Variants in GGT1 observed in about 807,000 individuals in gnomAD.
GGT1 encodes glutathione hydrolase 1 proenzyme.
GGT1 carries 21 observed loss-of-function variants against 56.0 expected under a neutral mutation model. The observed-to-expected ratio is 0.38, with a 90% CI of 0.27 to 0.54. The LOEUF (loss-of-function observed/expected upper bound fraction) is 0.54, where lower values mean the gene tolerates loss of function less well. GGT1 is among the 20% of genes least tolerant of loss of function. The probability of loss-of-function intolerance (pLI) is 0.82; values close to 1 mark genes in which losing one functional copy is unlikely to be tolerated. For missense variants in GGT1, 466 were observed against 787.0 expected (o/e 0.59, Z 4.88); for synonymous variants, 238 against 342.6 (o/e 0.69, Z 3.37).
upstream of GGT1, among the ~76,000 whole-genome samples, chr22:24,602,598 G>A (rs2330802): frequency 6.6e-6 from 1 of 152,182 alleles, no homozygotes; most frequent in Non-Finnish European, 1.5e-5. Flanking sequence ...CCCTGCTTCC[G>A]TTGCCTGGGG....
chr22:24,627,438 C>T lies in GGT1; in HGVS notation c.1027C>T (p.Arg343Cys), dbSNP rs373743269. Residue 343 changes from arginine (R) to cysteine (C), a missense_variant, in exon 12 of 16, where the codon CGC becomes TGC. By Grantham distance (180) the Arg-to-Cys change is radical. This residue lies in a region of GGT1 where 456 missense variants were observed against 716.7 expected (regional missense o/e 0.64). Coordinates refer to ENST00000400382, the MANE Select transcript of GGT1 (RefSeq NM_001288833.2). ...AGCTCTGGGGTCTCGGCAGGTGGTC[C>T]GCAACATGACCTCCGAGTTCTTCGC... ...PKFVDVTEVVRNMTSEFFAAQ... is the reference protein window; with the variant it reads ...PKFVDVTEVVCNMTSEFFAAQ... 73 of 1,425,958 alleles carry T rather than the reference C, an allele frequency of 5.1e-5. 1 individual carries two copies. Among genetic ancestry groups the T allele is most frequent in the Admixed American group, 1.3e-4 (7 of 54,434 alleles). The allele number at this position is 1,425,958 out of a possible 1,614,324, so 88.3% of individuals were successfully genotyped here. A position where few individuals can be genotyped will look rare whatever the true frequency, so the allele number is the denominator to read the frequency against.
At chr22:24,586,329 G>A in the GGT1 span, 166 of 1,613,858 alleles carry the variant, frequency 1.0e-4, no homozygotes, top group Non-Finnish European at 1.4e-4. Flanking sequence ...GTGATGTGTT[G>A]CACGTCCTGT....
intron 10 of GGT1, 96 bp downstream of exon 10, chr22:24,623,352 C>A: frequency 7.5e-6 from 10 of 1,331,594 alleles, no homozygotes; most frequent in Non-Finnish European, 1.0e-5. Context: ...GCCCCCCATG[C>A]CACGTCTTTC....
At chr22:24,586,521 G>A in the GGT1 span, 9 of 1,141,226 alleles carry the variant, frequency 7.9e-6, no homozygotes, top group Non-Finnish European at 1.1e-5. Flanking sequence ...GGCAAAGCCA[G>A]ATTCAAACTG....
At chr22:24,618,685 C>A (rs914863653) in intron 7 of GGT1, among the ~76,000 whole-genome samples, 7 of 152,166 alleles carry the variant, frequency 4.6e-5, no homozygotes, top group African/African-American at 1.7e-4. Flanking sequence ...TCAGACCTTC[C>A]GGGATGTATG....
chr22:24,590,096 G>T, upstream of GGT1: 2 of 940,626 alleles, frequency 2.1e-6, no homozygotes. Context: ...AGGCGGCCAT[G>T]GGCCAACAGT....
At chr22:24,588,475 TCCTACCCCCCAA>T in the GGT1 span, 1 of 771,722 alleles carries the variant, frequency 1.3e-6, no homozygotes, top group East Asian at 2.7e-5. Context: ...GGCCTCCCCC[TCCTACCCCCCAA>T]CCCGGCTGTG....
In GGT1 at chr22:24,610,389, C is replaced by T. The variant is rs2298391; in HGVS notation, c.-150C>T. 0.014 allele frequency: 2,790 copies of T among 192,654 alleles called. 23 individuals are homozygous for T. The highest frequency in any genetic ancestry group is 0.044 in the South Asian group (519 of 11,758). 11.9% of individuals were successfully genotyped at this position (192,654 alleles called of 1,614,324 possible). On this transcript the variant is annotated 5_prime_UTR_variant, in exon 4 of 16. Transcript: ENST00000400382. ...GAGAAGGCTGCCTGATCAGAGAGTC[C>T]CTGAAGAAGATTCTGTGGCTACAGG...
At chr22:24,608,520 G>A (rs530359359) in intron 2 of GGT1, among the ~76,000 whole-genome samples, 13 of 152,376 alleles carry the variant, frequency 8.5e-5, no homozygotes, top group African/African-American at 3.1e-4. Context: ...GCCCTCCAGG[G>A]CACTCAGCAT....
At position 24,620,683 on chromosome 22, in the gene GGT1, G is replaced by A; in HGVS notation, c.575+163G>A. On this transcript the variant is annotated intron_variant, in intron 8 of 15. Transcript: ENST00000400382. The surrounding 1 kb of genome is among the most constrained non-coding windows in gnomAD (Gnocchi z 5.6). ...CCCACCACGTGTGGGGACACATTCT[G>A]AGCGTGGGGTCCCAGTGGCCACTGT... 1 of 1,459,260 alleles carries A rather than the reference G, an allele frequency of 6.9e-7. No homozygotes were observed. Among genetic ancestry groups the A allele is most frequent in the Non-Finnish European group, 9.1e-7 (1 of 1,103,928 alleles). The allele number at this position is 1,459,260 out of a possible 1,614,324, so 90.4% of individuals were successfully genotyped here. A position where few individuals can be genotyped will look rare whatever the true frequency, so the allele number is the denominator to read the frequency against.
chr22:24,628,233 G>A lies in GGT1; in HGVS notation c.1449+40G>A, dbSNP rs2047913900. 6.2e-7 allele frequency: 1 copy of A among 1,611,854 alleles called. No homozygotes were observed. The stretch of plus-strand genomic sequence containing the variant: ...TTTTCTCCCTGGCCGTGCCCACCCT[G>A]CACAGCCCCCAAGCCATGCTGATCA... On this transcript the variant is annotated intron_variant, in intron 14 of 15. Coordinates refer to ENST00000400382, the MANE Select transcript of GGT1 (RefSeq NM_001288833.2). The surrounding 1 kb of genome is among the most constrained non-coding windows in gnomAD (Gnocchi z 5.7).
At chr22:24,625,420 C>T (rs928778733) in intron 11 of GGT1, among the ~76,000 whole-genome samples, 5 of 152,140 alleles carry the variant, frequency 3.3e-5, no homozygotes, top group East Asian at 1.9e-4. Context: ...ACCAGAGGCA[C>T]GTGCCACCAA....
At chr22:24,591,542 G>A (rs1008812278), upstream of GGT1, among the ~76,000 whole-genome samples, 4 of 152,228 alleles carry the variant, frequency 2.6e-5, no homozygotes, top group Admixed American at 1.3e-4. Context: ...GTGGGTCACA[G>A]CTGCAGGGTC....
At chr22:24,617,865 CAG>C (rs1196639046) in intron 7 of GGT1, among the ~76,000 whole-genome samples, 1 of 151,692 alleles carries the variant, frequency 6.6e-6, no homozygotes, top group African/African-American at 2.4e-5. Flanking sequence ...AGAGCAAAGA[CAG>C]AGGGGAGAGT....
chr22:24,604,377 G>A (rs1388374598), intron 1 of GGT1, among the ~76,000 whole-genome samples: 1 of 152,192 alleles, frequency 6.6e-6, no homozygotes, highest in Non-Finnish European at 1.5e-5. Context: ...TGGGTTGAAG[G>A]ATTAACCAGG....
In GGT1 at chr22:24,627,939, G is replaced by A. The variant is rs2047895831; in HGVS notation, c.1296G>A (p.Glu432=). The change falls in exon 13 of 16, where the codon GAG becomes GAA. Residue 432 remains glutamate (E), a synonymous_variant. Coordinates refer to ENST00000400382, the MANE Select transcript of GGT1 (RefSeq NM_001288833.2). ...TCAGCTCTCCCAGCATCACCAACGA[G>A]TTTGGGGTACCCCCCTCACCTGCCA... The part of the protein sequence containing the change: ...DDFSSPSITN[E]FGVPPSPANF... 2 of 1,610,636 alleles carry A rather than the reference G, an allele frequency of 1.2e-6. No individual in the cohort carries two copies. Among genetic ancestry groups the A allele is most frequent in the Non-Finnish European group, 1.7e-6 (2 of 1,178,632 alleles).
intron 7 of GGT1, among the ~76,000 whole-genome samples, chr22:24,618,328 C>A (rs574227201): frequency 2.0e-5 from 3 of 152,252 alleles, no homozygotes; most frequent in African/African-American, 7.2e-5. Flanking sequence ...CGGTGGCTCA[C>A]ACCTGTCATC....
In GGT1 at chr22:24,620,386, G is replaced by A; in HGVS notation, c.441G>A (p.Arg147=). 1.2e-6 allele frequency: 2 copies of A among 1,611,488 alleles called. No individual in the cohort carries two copies. The highest frequency in any genetic ancestry group is 1.7e-6 in the Non-Finnish European group (2 of 1,179,708). Residue 147 remains arginine, a synonymous_variant, in exon 8 of 16, where the codon CGG becomes CGA. Coordinates refer to ENST00000400382, the MANE Select transcript of GGT1 (RefSeq NM_001288833.2). This position sits in a 1 kb window ranked among gnomAD's most constrained non-coding sequence, Gnocchi z 5.6. ...GAGGCTATGAGCTGGCACACCAGCG[G>A]CATGGGCGGCTGCCCTGGGCTCGCC... The part of the protein sequence containing the change: ...EIRGYELAHQ[R]HGRLPWARLF...
chr22:24,588,939 CA>C, the GGT1 span: 1 of 1,003,484 alleles, frequency 1.0e-6, no homozygotes. Flanking sequence ...GCGCGGCCCA[CA>C]AAGCTGGCAC....
Sources: allele counts gnomAD v4.1 joint callset (sites outside exome capture counted in the v4.1 genomes callset), GRCh38; gene constraint gnomAD v4.1.1; regional missense constraint gnomAD v4.1.1; non-coding constraint Gnocchi (gnomAD v3.1); transcripts MANE v1.5; gene names NCBI Gene and HGNC (gene_info 2026-07-23, HGNC 2026-07-21).